The following TLK2 variants were observed in gnomAD, a reference collection of about 807,000 sequenced individuals.
The protein encoded by TLK2 is tousled like kinase 2, also known as serine/threonine-protein kinase tousled-like 2.
TLK2 carries 6 observed loss-of-function variants against 117.3 expected under a neutral mutation model. The ratio of observed to expected loss-of-function variants is 0.05; its 90% CI spans 0.03 to 0.10. TLK2 has a LOEUF of 0.10. Ranked by LOEUF, TLK2 falls within the 10% of genes least tolerant of loss-of-function variation. TLK2 has a pLI of 1.00. For synonymous variants in TLK2, 257 were observed against 316.7 expected, an observed-to-expected ratio of 0.81 and a Z score of 2.00; for missense variants, 299 against 901.2, an observed-to-expected ratio of 0.33 and a Z score of 8.56.
At chr17:62,608,711 C>T (rs1189754691) in intron 21 of TLK2, among the ~76,000 whole-genome samples, 2 of 152,174 alleles carry the variant, frequency 1.3e-5, no homozygotes, top group South Asian at 4.1e-4. Context: ...CAGGACCCTA[C>T]CATGACACGG....
chr17:62,521,196 G>A (rs1567842042), intron 3 of TLK2, among the ~76,000 whole-genome samples: 1 of 152,098 alleles, frequency 6.6e-6, no homozygotes, highest in Non-Finnish European at 1.5e-5. Flanking sequence ...AACTCCCTGG[G>A]TGCTGTTAGA....
chr17:62,561,994 T>C lies in TLK2; in HGVS notation c.831+1868T>C, dbSNP rs1344963144. 2.6e-5 allele frequency among the ~76,000 whole-genome samples: 4 copies of C among 152,216 alleles called. No homozygotes were observed. In the South Asian group the frequency reaches 6.2e-4, roughly 24 times the overall value. On this transcript the variant is annotated intron_variant, in intron 10 of 21. Transcript: ENST00000346027. ...TTTGTTTCCAAAAGAACTGAAATTG[T>C]AGTATCTACTTACTGACTTTCTAAA...
At chr17:62,484,740 A>G (rs1016039358) in intron 2 of TLK2, among the ~76,000 whole-genome samples, 1 of 152,030 alleles carries the variant, frequency 6.6e-6, no homozygotes, top group African/African-American at 2.4e-5. Flanking sequence ...CTCATTTTGG[A>G]TCATTATTTC....
chr17:62,480,527 G>C (rs1370243853), intron 1 of TLK2, among the ~76,000 whole-genome samples: 1 of 152,218 alleles, frequency 6.6e-6, no homozygotes, highest in Non-Finnish European at 1.5e-5. Context: ...TGAGTGAATG[G>C]AGGTGGATGG....
rs2084038192 is a variant in TLK2 at position 62,615,218 on chromosome 17, A to G, written c.*2653A>G. On this transcript the variant is annotated 3_prime_UTR_variant, in exon 22 of 22. Transcript: ENST00000346027. ...TTCTTCCGAGGCATGGACAAGCCCC[A>G]GAGAACATGCAGAACATTGACCTTT... is the stretch of plus-strand genomic sequence containing the variant. 1 of 152,226 alleles carries G rather than the reference A, an allele frequency of 6.6e-6. No individual in the cohort carries two copies. Among genetic ancestry groups the G allele is most frequent in the African/African-American group, 2.4e-5 (1 of 41,464 alleles). 9.4% of individuals were successfully genotyped at this position (152,226 alleles called of 1,614,324 possible). A position where few individuals can be genotyped will look rare whatever the true frequency, so the allele number is the denominator to read the frequency against.
chr17:62,499,743 C>T (rs545138830), intron 2 of TLK2, among the ~76,000 whole-genome samples: 15 of 151,550 alleles, frequency 9.9e-5, no homozygotes, highest in Non-Finnish European at 2.1e-4. Context: ...CCCAGCTACT[C>T]GGGAGGCTGA....
chr17:62,607,914 C>A (rs941109882), intron 20 of TLK2, 127 bp from the exon 21 acceptor site: 5 of 731,960 alleles, frequency 6.8e-6, no homozygotes, highest in Non-Finnish European at 1.1e-5. Flanking sequence ...AGGGGATTGT[C>A]TCCAGAGTTC....
chr17:62,497,902 G>T (rs2073851961), intron 2 of TLK2, among the ~76,000 whole-genome samples: 1 of 152,052 alleles, frequency 6.6e-6, no homozygotes, highest in Admixed American at 6.6e-5. Flanking sequence ...TACCATGTTG[G>T]CCAGGCTGGT....
chr17:62,562,039 A>T (rs910401181), intron 10 of TLK2, among the ~76,000 whole-genome samples: 37 of 152,206 alleles, frequency 2.4e-4, no homozygotes, highest in African/African-American at 8.0e-4. Context: ...TTTATTGAGT[A>T]TCTGCTACAC....
At chr17:62,479,383 G>C (rs949298846) in intron 1 of TLK2, 93 bp downstream of exon 1, 10 of 153,220 alleles carry the variant, frequency 6.5e-5, no homozygotes, top group Admixed American at 4.6e-4. Flanking sequence ...TGCGACCTGG[G>C]CCCAGCTCGG....
At chr17:62,575,903 G>A (rs1413496803) in intron 12 of TLK2, among the ~76,000 whole-genome samples, 1 of 151,808 alleles carries the variant, frequency 6.6e-6, no homozygotes, top group Non-Finnish European at 1.5e-5. Flanking sequence ...TTGCTTTGTT[G>A]CCCAGGCTGG....
intron 16 of TLK2, among the ~76,000 whole-genome samples, chr17:62,590,832 G>T (rs1224000490): frequency 1.3e-5 from 2 of 152,170 alleles, no homozygotes; most frequent in Non-Finnish European, 2.9e-5. Context: ...AGTCAGTTTT[G>T]TAAAATAAAA....
At chr17:62,580,816 C>T (rs1254890507) in intron 15 of TLK2, among the ~76,000 whole-genome samples, 3 of 152,164 alleles carry the variant, frequency 2.0e-5, no homozygotes, top group Non-Finnish European at 4.4e-5. Context: ...CTGTAAAGTA[C>T]AGAATTGTTT....
At chr17:62,517,602 T>G (rs965046959) in intron 2 of TLK2, among the ~76,000 whole-genome samples, 153 of 151,380 alleles carry the variant, frequency 1.0e-3, no homozygotes, top group African/African-American at 3.5e-3. Context: ...CACCGTGGTC[T>G]CGATCTCCTG....
chr17:62,589,817 G>GT (rs955458274), intron 16 of TLK2, among the ~76,000 whole-genome samples: 2 of 151,766 alleles, frequency 1.3e-5, no homozygotes, highest in African/African-American at 4.8e-5. Flanking sequence ...TTTGTTTTTT[G>GT]TTTTTTTGAG....
intron 7 of TLK2, among the ~76,000 whole-genome samples, chr17:62,543,343 C>T (rs374710277): frequency 6.6e-5 from 10 of 151,042 alleles, no homozygotes; most frequent in Non-Finnish European, 1.3e-4. Flanking sequence ...TGTAGACATA[C>T]GTTTTCGTTT....
chr17:62,606,325 T>C, intron 20 of TLK2, 84 bp downstream of exon 20: 1 of 685,720 alleles, frequency 1.5e-6, no homozygotes, highest in East Asian at 2.9e-5. Flanking sequence ...GATTAGTCTA[T>C]TGGAGTTAAT....
intron 2 of TLK2, among the ~76,000 whole-genome samples, chr17:62,492,468 T>G (rs1873720426): frequency 6.6e-6 from 1 of 151,988 alleles, no homozygotes; most frequent in Admixed American, 6.6e-5. Context: ...TTTTTTTTTT[T>G]GTTTTTTGAG....
intron 12 of TLK2, among the ~76,000 whole-genome samples, chr17:62,573,641 A>G (rs1417457834): frequency 2.0e-5 from 3 of 152,210 alleles, no homozygotes; most frequent in Non-Finnish European, 4.4e-5. Context: ...AACAAATAAG[A>G]TGTCATTGTA....
Sources: gnomAD v4.1 joint callset for allele counts (sites outside exome capture counted in the v4.1 genomes callset) on GRCh38, gnomAD v4.1.1 for gene constraint, MANE v1.5 for transcripts, NCBI Gene and HGNC (gene_info 2026-07-23, HGNC 2026-07-21) for gene names.